TCF23: variants seen among roughly 807,000 people sequenced by gnomAD.
The protein encoded by TCF23 is class A basic helix-loop-helix protein 24.
In TCF23, 7 loss-of-function variants were observed where a neutral mutation model predicts 13.0. That is an observed-to-expected ratio of 0.54 (90% CI 0.31 to 1.01). The LOEUF (loss-of-function observed/expected upper bound fraction) is 1.01, where lower values mean the gene tolerates loss of function less well. Among genes scored for constraint, TCF23 ranks in the 50% least tolerant of loss-of-function variants. The pLI, the probability that TCF23 is intolerant of heterozygous loss-of-function variation, is 0.06. For synonymous variants in TCF23, 122 were observed against 119.5 expected, an observed-to-expected ratio of 1.02 and a Z score of -0.14; for missense variants, 257 against 289.8, an observed-to-expected ratio of 0.89 and a Z score of 0.82.
chr2:27,150,246 G>C lies in TCF23; in HGVS notation c.346G>C (p.Asp116His), dbSNP rs1218513047. The C allele has an allele frequency of 6.2e-7, 1 of 1,613,644 alleles. No individual in the cohort carries two copies. The highest frequency in any genetic ancestry group is 1.7e-5 in the Admixed American group (1 of 60,014). ...VPPDTKLSKL[D>H]VLVLAASYIA... ...GCCCGACACCAAGCTCTCCAAGTTG[G>C]ACGTGCTGGTGCTCGCCGCCAGCTA... The change falls in exon 2 of 3, where the codon GAC becomes CAC. Residue 116 changes from aspartate (D) to histidine (H), a missense_variant. By Grantham distance (81) the Asp-to-His change is moderately conservative. Coordinates refer to ENST00000296096, the MANE Select transcript of TCF23 (RefSeq NM_175769.3). This position sits in a 1 kb window ranked among gnomAD's most constrained non-coding sequence, Gnocchi z 4.1.
Position 27,150,037 on chromosome 2 carries a change from G to C in TCF23, c.223-86G>C, listed in dbSNP as rs1284411558. ...TACTGCTAGACACCCTTCTACTCTG[G>C]TGGGAGACCTTGTGCTCAAACGCTC... On this transcript the variant is annotated intron_variant, in intron 1 of 2. Coordinates refer to ENST00000296096, the MANE Select transcript of TCF23 (RefSeq NM_175769.3). The surrounding 1 kb of genome is among the most constrained non-coding windows in gnomAD (Gnocchi z 4.1). 3.9e-6 allele frequency: 6 copies of C among 1,539,926 alleles called. No individual in the cohort carries two copies. The highest frequency in any genetic ancestry group is 1.4e-5 in the African/African-American group (1 of 73,904).
At chr2:27,151,602 G>A (rs1672761870) in intron 2 of TCF23, among the ~76,000 whole-genome samples, 1 of 151,748 alleles carries the variant, frequency 6.6e-6, no homozygotes, top group African/African-American at 2.4e-5. Flanking sequence ...CCAAAGTGCT[G>A]GGATTACAGG....
rs144811550 is a variant in TCF23, at chr2:27,150,199, A to T, written c.299A>T (p.Gln100Leu). The T allele has an allele frequency of 6.2e-7, 1 of 1,612,620 alleles. No individual in the cohort carries two copies. The highest frequency in any genetic ancestry group is 1.3e-5 in the African/African-American group (1 of 74,900). Residue 100 changes from glutamine (Q) to leucine (L), a missense_variant, in exon 2 of 3, where the codon CAG (glutamine) becomes CTG (leucine). Physicochemically the swap from Gln to Leu is moderately radical, Grantham distance 113. Transcript: ENST00000296096. This position sits in a 1 kb window ranked among gnomAD's most constrained non-coding sequence, Gnocchi z 4.1. Reference protein sequence around the residue: ...RTLRQAFLALQAALPAVPPDT... With the variant: ...RTLRQAFLALLAALPAVPPDT... ...CTGCGCCAGGCCTTCTTGGCCTTGCAGGCTGCTCTGCCTGCCGTGCCGCCC... is the reference window on the plus strand; with the variant it reads ...CTGCGCCAGGCCTTCTTGGCCTTGCTGGCTGCTCTGCCTGCCGTGCCGCCC...
intron 1 of TCF23, chr2:27,149,603 AG>A: frequency 1.5e-6 from 1 of 648,628 alleles, no homozygotes; most frequent in Non-Finnish European, 2.9e-6. Context: ...GGCCGGGAAG[AG>A]GGATGTGAAT....
chr2:27,152,565 G>A, intron 2 of TCF23, 123 bp from the exon 3 acceptor site: 1 of 1,122,222 alleles, frequency 8.9e-7, no homozygotes, highest in Non-Finnish European at 1.3e-6. Flanking sequence ...GATCAGAGCA[G>A]TGATGGCTGG....
intron 2 of TCF23, among the ~76,000 whole-genome samples, chr2:27,152,236 G>A (rs930283255): frequency 6.6e-6 from 1 of 152,242 alleles, no homozygotes. Flanking sequence ...GCTCCCAGGT[G>A]GAGAGGTTGT....
At chr2:27,151,638 A>G (rs562876068) in intron 2 of TCF23, among the ~76,000 whole-genome samples, 2 of 148,030 alleles carry the variant, frequency 1.4e-5, no homozygotes, top group South Asian at 4.3e-4. Context: ...CCAACTATTT[A>G]TTTATTTACT....
rs747843206 is a variant in TCF23, at chr2:27,149,317, C to T, written c.184C>T (p.Pro62Ser). 12 of 1,592,352 alleles carry T rather than the reference C, an allele frequency of 7.5e-6. No individual in the cohort carries two copies. Among genetic ancestry groups the T allele is most frequent in the Non-Finnish European group, 1.0e-5 (12 of 1,169,582 alleles). The change falls in exon 1 of 3, where the codon CCT becomes TCT. Residue 62 changes from proline (P) to serine (S), a missense_variant. Transcript: ENST00000296096. The stretch of plus-strand genomic sequence containing the variant: ...GAGATGGAGCAGAGCTACCCCTGGC[C>T]CTCGAGGGACCAGGGCTGGGGGCCT... ...NQRWSRATPGPRGTRAGGLAL... is the reference protein window; with the variant it reads ...NQRWSRATPGSRGTRAGGLAL...
Position 27,149,103 on chromosome 2 carries a change from G to C in TCF23, c.-31G>C. 6.5e-7 allele frequency: 1 copy of C among 1,544,286 alleles called. No homozygotes were observed. Among genetic ancestry groups the C allele is most frequent in the East Asian group, 2.4e-5 (1 of 40,964 alleles). ...AGGCCTCCTCAGGCACTGTGTTTCT[G>C]CTCTGTGGGCTGCAGCCCCAGTGGG... On this transcript the variant is annotated 5_prime_UTR_variant, in exon 1 of 3. Transcript: ENST00000296096.
chr2:27,149,098 T>A lies in TCF23; in HGVS notation c.-36T>A, dbSNP rs1328238345. 1 of 1,541,734 alleles carries A rather than the reference T, an allele frequency of 6.5e-7. No individual in the cohort carries two copies. Among genetic ancestry groups the A allele is most frequent in the East Asian group, 2.4e-5 (1 of 40,924 alleles). ...GTCCAAGGCCTCCTCAGGCACTGTG[T>A]TTCTGCTCTGTGGGCTGCAGCCCCA... is the stretch of plus-strand genomic sequence containing the variant. On this transcript the variant is annotated 5_prime_UTR_variant, in exon 1 of 3. Transcript: ENST00000296096.
chr2:27,149,433 A>G (rs921168944), intron 1 of TCF23, 78 bp downstream of exon 1: 1 of 1,345,850 alleles, frequency 7.4e-7, no homozygotes, highest in African/African-American at 1.5e-5. Context: ...CTCTGATGGT[A>G]CAGCCTCACT....
At chr2:27,149,676 C>T in intron 1 of TCF23, 1 of 600,174 alleles carries the variant, frequency 1.7e-6, no homozygotes, top group East Asian at 3.8e-5. Context: ...TGTGCTTTGA[C>T]CCCTGGTTCT....
intron 1 of TCF23, 200 bp from the exon 2 acceptor site, chr2:27,149,923 A>G: frequency 1.2e-6 from 1 of 804,736 alleles, no homozygotes; most frequent in Non-Finnish European, 2.0e-6. Flanking sequence ...CAGCCATCTG[A>G]CCCCTGGCCA....
Position 27,150,491 on chromosome 2 carries a change from A to G in TCF23, c.465+126A>G. ...CCTGTGCAGAACTGACGTCGGAGCC[A>G]ATTTCTCCTGCTGTCTCAGAGGGAG... On this transcript the variant is annotated intron_variant, in intron 2 of 2. Coordinates refer to ENST00000296096, the MANE Select transcript of TCF23 (RefSeq NM_175769.3). The surrounding 1 kb of genome is among the most constrained non-coding windows in gnomAD (Gnocchi z 4.1). 2 of 1,476,970 alleles carry G rather than the reference A, an allele frequency of 1.4e-6. No individual in the cohort carries two copies. The highest frequency in any genetic ancestry group is 2.6e-5 in the South Asian group (2 of 75,484). The allele number at this position is 1,476,970 out of a possible 1,614,324, so 91.5% of individuals were successfully genotyped here.
At position 27,152,944 on chromosome 2, in the gene TCF23, C is replaced by T; in HGVS notation, c.*77C>T. 1.9e-6 allele frequency: 3 copies of T among 1,551,780 alleles called. No individual in the cohort carries two copies. Among genetic ancestry groups the T allele is most frequent in the Non-Finnish European group, 2.6e-6 (3 of 1,148,424 alleles). The stretch of plus-strand genomic sequence containing the variant: ...GATTTTCTACCAGCCCCCAGATTCT[C>T]AGCCATCAGACTTGACTCAGACTCA... On this transcript the variant is annotated 3_prime_UTR_variant, in exon 3 of 3. Transcript: ENST00000296096.
Position 27,156,613 on chromosome 2 carries a change from C to G in TCF23, c.*3746C>G, listed in dbSNP as rs1403708652. ...ATGTTAGCCAGGATGGTCTTGATCT[C>G]CTGACCTCGTGATCCGCCCGCCTCG... On this transcript the variant is annotated 3_prime_UTR_variant, in exon 3 of 3. Transcript: ENST00000296096. The G allele has an allele frequency of 6.6e-6, 1 of 151,320 alleles. No individual in the cohort carries two copies. The highest frequency in any genetic ancestry group is 1.5e-5 in the Non-Finnish European group (1 of 67,886). The allele number at this position is 151,320 out of a possible 1,614,324, so 9.4% of individuals were successfully genotyped here.
At chr2:27,149,556 G>C (rs1672728306) in intron 1 of TCF23, among the ~76,000 whole-genome samples, 1 of 152,266 alleles carries the variant, frequency 6.6e-6, no homozygotes, top group South Asian at 2.1e-4. Flanking sequence ...GTGCAGCTCA[G>C]AGAGCTGCAC....
intron 1 of TCF23, chr2:27,149,810 A>G (rs1163708704): frequency 4.5e-6 from 3 of 663,818 alleles, no homozygotes; most frequent in Middle Eastern, 2.4e-4. Flanking sequence ...GATAAGCAGG[A>G]TTCAGATTGG....
Position 27,150,022 on chromosome 2 carries a change from C to T in TCF23, c.223-101C>T. ...AGGCCCTCTGGTGCCTACTGCTAGA[C>T]ACCCTTCTACTCTGGTGGGAGACCT... is the stretch of plus-strand genomic sequence containing the variant. On this transcript the variant is annotated intron_variant, in intron 1 of 2. Transcript: ENST00000296096. This position sits in a 1 kb window ranked among gnomAD's most constrained non-coding sequence, Gnocchi z 4.1. 6 of 1,519,084 alleles carry T rather than the reference C, an allele frequency of 3.9e-6. No individual in the cohort carries two copies. The South Asian group carries it at 7.6e-5, about 19-fold the overall frequency. The allele number at this position is 1,519,084 out of a possible 1,614,324, so 94.1% of individuals were successfully genotyped here.
Sources: gnomAD v4.1 joint callset for allele counts (sites outside exome capture counted in the v4.1 genomes callset) on GRCh38, gnomAD v4.1.1 for gene constraint, Gnocchi (gnomAD v3.1) non-coding constraint, MANE v1.5 for transcripts, NCBI Gene and HGNC (gene_info 2026-07-23, HGNC 2026-07-21) for gene names.